The following DOP1A variants were observed in gnomAD, a reference collection of about 807,000 sequenced individuals.
DOP1A encodes the protein DOP1 leucine zipper like protein A.
DOP1A carries 90 observed loss-of-function variants against 267.6 expected under a neutral mutation model. The observed-to-expected ratio is 0.34, with a 90% CI of 0.28 to 0.40. The LOEUF is 0.40. Among genes scored for constraint, DOP1A ranks in the 10% least tolerant of loss-of-function variants. The pLI is 1.00. For missense variants in DOP1A, 2,437 were observed against 2,900.4 expected (o/e 0.84, Z 3.67); for synonymous variants, 932 against 999.1 (o/e 0.93, Z 1.27).
intron 18 of DOP1A, 35 bp from the exon 19 acceptor site, chr6:83,134,152 A>G (rs1246302914): frequency 1.3e-6 from 2 of 1,567,826 alleles, no homozygotes; most frequent in Admixed American, 1.7e-5. Flanking sequence ...TTCAAGAGAG[A>G]AGAACATAAT....
chr6:83,119,020 G>T, intron 8 of DOP1A, 33 bp downstream of exon 8: 1 of 1,580,188 alleles, frequency 6.3e-7, no homozygotes, highest in South Asian at 1.1e-5. Context: ...CATGATTGGG[G>T]AAAAAATGGA....
At chr6:83,069,613 TA>T (rs979846623) in intron 1 of DOP1A, among the ~76,000 whole-genome samples, 4 of 152,168 alleles carry the variant, frequency 2.6e-5, no homozygotes, top group Admixed American at 6.5e-5. Context: ...CTCACTTGTA[TA>T]AAAAAAATTA....
intron 38 of DOP1A, chr6:83,165,371 A>C (rs1785221952): frequency 6.6e-6 from 1 of 152,440 alleles, no homozygotes; most frequent in Non-Finnish European, 1.5e-5. Context: ...ATGATGAAGT[A>C]GGTGATCTTT....
At chr6:83,104,304 A>G (rs1773168177) in intron 4 of DOP1A, among the ~76,000 whole-genome samples, 1 of 152,144 alleles carries the variant, frequency 6.6e-6, no homozygotes, top group African/African-American at 2.4e-5. Flanking sequence ...ACTAGGGTCT[A>G]TAGTAAAGTG....
chr6:83,112,294 A>G (rs1333698796), intron 6 of DOP1A, among the ~76,000 whole-genome samples: 1 of 152,110 alleles, frequency 6.6e-6, no homozygotes, highest in African/African-American at 2.4e-5. Flanking sequence ...AGAGATGATC[A>G]ACATTGTAAT....
Position 83,151,627 on chromosome 6 carries a change from T to C in DOP1A, c.5872T>C (p.Leu1958=). The part of the protein sequence containing the change: ...LNEFIMKNPS[L]ENKKDQRDLQ... ...TGAGTTTATTATGAAAAACCCTAGT[T>C]TGGAAAATAAAAAAGACCAAAGAGA... The change falls in exon 28 of 39, where the codon TTG becomes CTG. Residue 1958 remains leucine (L), a synonymous_variant. Coordinates refer to ENST00000349129, the MANE Select transcript of DOP1A (RefSeq NM_015018.4). 1 of 1,609,418 alleles carries C rather than the reference T, an allele frequency of 6.2e-7. No individual in the cohort carries two copies. Among genetic ancestry groups the C allele is most frequent in the Non-Finnish European group, 8.5e-7 (1 of 1,178,612 alleles).
rs1774107002 is a variant in DOP1A at position 83,108,917 on chromosome 6, T to G, written c.328T>G (p.Leu110Val). 6.2e-7 allele frequency: 1 copy of G among 1,611,996 alleles called. No homozygotes were observed. The highest frequency in any genetic ancestry group is 1.7e-5 in the Admixed American group (1 of 59,718). ...AKDLFLYSSG[L>V]FPLLANAAMS... Reference sequence around the variant, plus strand: ...TCTTTATTTTTTTAATAGTTCTGGATTATTTCCTCTTCTTGCAAATGCTGC... The same window carrying G: ...TCTTTATTTTTTTAATAGTTCTGGAGTATTTCCTCTTCTTGCAAATGCTGC... The change falls in exon 5 of 39, where the codon TTA becomes GTA. Residue 110 changes from leucine to valine, a missense_variant. Physicochemically the swap from Leu to Val is conservative, Grantham distance 32. This residue lies in a region of DOP1A where 251 missense variants were observed against 359.1 expected (regional missense o/e 0.70). Coordinates refer to ENST00000349129, the MANE Select transcript of DOP1A (RefSeq NM_015018.4).
chr6:83,157,780 G>T (rs1040226979), intron 35 of DOP1A, among the ~76,000 whole-genome samples: 2 of 152,066 alleles, frequency 1.3e-5, no homozygotes, highest in Admixed American at 1.3e-4. Context: ...CTTTCACAAA[G>T]ATTTTGTAAC....
rs1300899093 is a variant in DOP1A at position 83,156,075 on chromosome 6, G to A, written c.6576G>A (p.Gln2192=). The A allele has an allele frequency of 6.2e-7, 1 of 1,612,824 alleles. No homozygotes were observed. The highest frequency in any genetic ancestry group is 8.5e-7 in the Non-Finnish European group (1 of 1,179,570). ...CTATTTTTAGCAGTGAAATTGACCA[G>A]TACCAGAAATATCTTCCAGATATAC... The part of the protein sequence containing the change: ...AFAIFSSEID[Q]YQKYLPDIQE... The change falls in exon 34 of 39, where the codon CAG becomes CAA. Residue 2192 remains glutamine (Q), a synonymous_variant. Coordinates refer to ENST00000349129, the MANE Select transcript of DOP1A (RefSeq NM_015018.4).
In DOP1A at chr6:83,137,429, A is replaced by G. The variant is rs1373700651; in HGVS notation, c.3387A>G (p.Glu1129=). The G allele has an allele frequency of 6.2e-7, 1 of 1,613,754 alleles. No homozygotes were observed. Among genetic ancestry groups the G allele is most frequent in the African/African-American group, 1.3e-5 (1 of 74,906 alleles). The change falls in exon 21 of 39, where the codon GAA becomes GAG. Residue 1129 remains glutamate (E), a synonymous_variant. Coordinates refer to ENST00000349129, the MANE Select transcript of DOP1A (RefSeq NM_015018.4). Reference sequence around the variant, plus strand: ...ACTTGAGTTACGAAGTTGATCCTGAAACCGTGAATGCCCAAGAGGATTCTC... The same window carrying G: ...ACTTGAGTTACGAAGTTGATCCTGAGACCGTGAATGCCCAAGAGGATTCTC... ...GDNLSYEVDP[E]TVNAQEDSQM...
At chr6:83,119,665 T>G in intron 8 of DOP1A, 83 bp from the exon 9 acceptor site, 27 of 1,095,276 alleles carry the variant, frequency 2.5e-5, no homozygotes, top group Non-Finnish European at 3.3e-5. Flanking sequence ...AGTGCTGTTC[T>G]GAGATTTTGC....
At chr6:83,168,683 C>T (rs775690001), downstream of DOP1A, 1 of 995,120 alleles carries the variant, frequency 1.0e-6, no homozygotes, top group African/African-American at 1.7e-5. Context: ...ATGAGCATCT[C>T]CACCTCAGTA....
intron 18 of DOP1A, 95 bp downstream of exon 18, chr6:83,132,423 C>A (rs1778215018): frequency 1.5e-6 from 2 of 1,318,012 alleles, no homozygotes; most frequent in East Asian, 2.4e-5. Flanking sequence ...GAAATTATTG[C>A]AATTAACATC....
intron 24 of DOP1A, 117 bp from the exon 25 acceptor site, chr6:83,145,407 A>C: frequency 1.2e-5 from 9 of 731,560 alleles, no homozygotes; most frequent in South Asian, 2.4e-5. Flanking sequence ...AAATAGCAAG[A>C]CCTCATCTCC....
rs571513100 is a variant in DOP1A at position 83,168,450 on chromosome 6, T to C, written c.*283T>C. The C allele has an allele frequency of 3.3e-4, 363 of 1,083,906 alleles. No homozygotes were observed. In the African/African-American group the frequency reaches 5.6e-3, roughly 17 times the overall value. The allele number at this position is 1,083,906 out of a possible 1,614,324, so 67.1% of individuals were successfully genotyped here. On this transcript the variant is annotated 3_prime_UTR_variant, in exon 39 of 39. Transcript: ENST00000349129. Reference sequence around the variant, plus strand: ...TGAGTTGTCTTAAACCTGCAAAATATACACTACCCATTTTTTTTTTCCATT... The same window carrying C: ...TGAGTTGTCTTAAACCTGCAAAATACACACTACCCATTTTTTTTTTCCATT...
intron 5 of DOP1A, among the ~76,000 whole-genome samples, chr6:83,109,737 A>T (rs1287102411): frequency 6.6e-6 from 1 of 152,182 alleles, no homozygotes; most frequent in East Asian, 1.9e-4. Flanking sequence ...AGTATCTCTA[A>T]TATCTCATTA....
intron 20 of DOP1A, among the ~76,000 whole-genome samples, chr6:83,136,844 C>G (rs748619584): frequency 6.6e-6 from 1 of 152,082 alleles, no homozygotes; most frequent in Non-Finnish European, 1.5e-5. Context: ...GTATGTACTA[C>G]TTTGTATGTC....
At chr6:83,153,742 G>A in intron 31 of DOP1A, 122 bp downstream of exon 31, 1 of 1,162,876 alleles carries the variant, frequency 8.6e-7, no homozygotes, top group Non-Finnish European at 1.2e-6. Flanking sequence ...AATTATAATT[G>A]TTTAAAAAAA....
intron 27 of DOP1A, 44 bp downstream of exon 27, chr6:83,148,907 T>G: frequency 4.2e-6 from 5 of 1,181,974 alleles, no homozygotes; most frequent in Non-Finnish European, 5.8e-6. Context: ...AAGGATAATG[T>G]TAATTGTCCT....
Sources: gnomAD v4.1 joint callset for allele counts (sites outside exome capture counted in the v4.1 genomes callset) on GRCh38, gnomAD v4.1.1 for gene constraint, gnomAD v4.1.1 regional missense constraint, MANE v1.5 for transcripts, NCBI Gene and HGNC (gene_info 2026-07-23, HGNC 2026-07-21) for gene names.